Variants in VAX2 observed in about 807,000 individuals in gnomAD.
VAX2 encodes the protein ventral anterior homeobox 2.
In VAX2, 8 loss-of-function variants were observed where a neutral mutation model predicts 12.5. That is an observed-to-expected ratio of 0.64 (90% CI 0.37 to 1.15). The LOEUF is 1.15. Among genes scored for constraint, VAX2 ranks in the 50% most tolerant of loss-of-function variants. The pLI is 0.01. For synonymous variants in VAX2, 183 were observed against 187.6 expected (o/e 0.98, Z 0.20); for missense variants, 476 against 412.9 (o/e 1.15, Z -1.32).
chr2:70,917,581 T>C (rs577232763), intron 1 of VAX2, among the ~76,000 whole-genome samples: 1 of 152,312 alleles, frequency 6.6e-6, no homozygotes, highest in Admixed American at 6.5e-5. Context: ...ATTGCAGCTT[T>C]AATTTGCCTT....
intron 2 of VAX2, 27 bp from the exon 3 acceptor site, chr2:70,932,739 TC>T (rs1553414503): frequency 2.4e-6 from 3 of 1,244,378 alleles, no homozygotes; most frequent in Non-Finnish European, 3.1e-6. Context: ...CCCATCTCCC[TC>T]CTTGACACCC....
At chr2:70,929,809 A>AG (rs74555066) in intron 2 of VAX2, among the ~76,000 whole-genome samples, 29,906 of 152,228 alleles carry the variant, frequency 0.2, 3,109 homozygotes, top group East Asian at 0.36. Context: ...AAATCATTTG[A>AG]GAAACACGGC....
chr2:70,931,484 G>A (rs1553414303), intron 2 of VAX2, among the ~76,000 whole-genome samples: 1 of 152,184 alleles, frequency 6.6e-6, no homozygotes, highest in Non-Finnish European at 1.5e-5. Context: ...CCCTCCAAAG[G>A]CAGCGTGGCG....
At chr2:70,913,671 G>A (rs1310608041) in intron 1 of VAX2, among the ~76,000 whole-genome samples, 4 of 150,092 alleles carry the variant, frequency 2.7e-5, no homozygotes, top group African/African-American at 9.7e-5. Flanking sequence ...GCGAGACTCC[G>A]ACTCAAAATA....
At chr2:70,906,509 CTTTT>C in intron 1 of VAX2, among the ~76,000 whole-genome samples, 1 of 79,246 alleles carries the variant, frequency 1.3e-5, no homozygotes, top group Non-Finnish European at 2.7e-5. Context: ...CTTTTTTTTT[CTTTT>C]CTTTTCCTTT....
chr2:70,913,835 G>A (rs951239554), intron 1 of VAX2, among the ~76,000 whole-genome samples: 1 of 152,040 alleles, frequency 6.6e-6, no homozygotes, highest in Admixed American at 6.5e-5. Context: ...TGACAAATAA[G>A]GGCTTATTAA....
At chr2:70,910,723 G>C (rs1283320756) in intron 1 of VAX2, among the ~76,000 whole-genome samples, 2 of 150,672 alleles carry the variant, frequency 1.3e-5, no homozygotes, top group East Asian at 3.9e-4. Flanking sequence ...CACTTATATA[G>C]TAAGGAAATG....
At chr2:70,921,656 G>C (rs1385917603) in intron 2 of VAX2, among the ~76,000 whole-genome samples, 1 of 151,950 alleles carries the variant, frequency 6.6e-6, no homozygotes, top group Non-Finnish European at 1.5e-5. Context: ...TGGAAATAAC[G>C]ATTCTGGGGA....
At chr2:70,919,929 CGTTT>C in intron 1 of VAX2, among the ~76,000 whole-genome samples, 2 of 152,326 alleles carry the variant, frequency 1.3e-5, no homozygotes, top group Middle Eastern at 6.8e-3. Flanking sequence ...GTACTGCAGA[CGTTT>C]GTCAGCCTTT....
At chr2:70,903,436 G>T (rs1461292768) in intron 1 of VAX2, among the ~76,000 whole-genome samples, 1 of 152,168 alleles carries the variant, frequency 6.6e-6, no homozygotes, top group Non-Finnish European at 1.5e-5. Context: ...GGGGTGGGGG[G>T]CAGGTTTGTT....
chr2:70,923,572 T>C (rs1679507295), intron 2 of VAX2, among the ~76,000 whole-genome samples: 1 of 152,216 alleles, frequency 6.6e-6, no homozygotes, highest in Non-Finnish European at 1.5e-5. Context: ...TGCTTCTGAA[T>C]GGACTGGCCT....
chr2:70,917,046 G>A (rs1679320048), intron 1 of VAX2, among the ~76,000 whole-genome samples: 1 of 151,716 alleles, frequency 6.6e-6, no homozygotes, highest in African/African-American at 2.4e-5. Context: ...AGCTACTTAG[G>A]AGGCTGAGGC....
chr2:70,916,949 G>A (rs138457324), intron 1 of VAX2, among the ~76,000 whole-genome samples: 484 of 152,108 alleles, frequency 3.2e-3, no homozygotes, highest in Middle Eastern at 6.8e-3. Context: ...TCAGGAGTTC[G>A]AGACCAGCCT....
In VAX2 at chr2:70,921,106, G is replaced by T; in HGVS notation, c.256G>T (p.Gly86Trp). Reference protein sequence around the residue: ...CRRILVRDAKGTIREIVLPKG... With the variant: ...CRRILVRDAKWTIREIVLPKG... ...TTTCATGGCCTCTGCAGATGCCAAA[G>T]GGACAATTCGGGAAATTGTCCTGCC... The change falls in exon 2 of 3, where the codon GGG becomes TGG. Residue 86 changes from glycine to tryptophan, a missense_variant. Physicochemically the swap from Gly to Trp is radical, Grantham distance 184. Transcript: ENST00000234392. The T allele has an allele frequency of 6.3e-7, 1 of 1,598,100 alleles. No homozygotes were observed. Among genetic ancestry groups the T allele is most frequent in the South Asian group, 1.1e-5 (1 of 88,624 alleles).
At chr2:70,901,238 G>T (rs1024932604) in intron 1 of VAX2, among the ~76,000 whole-genome samples, 2 of 152,250 alleles carry the variant, frequency 1.3e-5, no homozygotes, top group Admixed American at 1.3e-4. Flanking sequence ...CGCGCTCCGC[G>T]GGGACAGGAC....
At chr2:70,930,247 C>A (rs77961043) in intron 2 of VAX2, among the ~76,000 whole-genome samples, 1 of 151,970 alleles carries the variant, frequency 6.6e-6, no homozygotes, top group Non-Finnish European at 1.5e-5. Context: ...TTCAAAACAC[C>A]AACTCACATC....
In VAX2 at chr2:70,910,979, C is replaced by G. The variant is rs1418442230; in HGVS notation, c.247+10111C>G. Among the ~76,000 whole-genome samples the G allele has an allele frequency of 2.0e-5, 3 of 151,800 alleles. No individual in the cohort carries two copies. The East Asian group carries it at 5.8e-4, about 29-fold the overall frequency. ...GCATTTAAAACATTATATATGCATA[C>G]ACAAACATATTAAAATGTTTGCTAC... On this transcript the variant is annotated intron_variant, in intron 1 of 2. Transcript: ENST00000234392.
At position 70,921,267 on chromosome 2, in the gene VAX2, G is replaced by T; in HGVS notation, c.417G>T (p.Leu139=). The change falls in exon 2 of 3, where the codon CTG becomes CTT. Residue 139 remains leucine, a synonymous_variant. Transcript: ENST00000234392. The part of the protein sequence containing the change: ...GRERTELARQ[L]NLSETQVKVW... ...AGCGCACTGAGCTGGCCCGCCAGCTGAACCTCTCCGAGACCCAGGTAAGAG... is the reference window on the plus strand; with the variant it reads ...AGCGCACTGAGCTGGCCCGCCAGCTTAACCTCTCCGAGACCCAGGTAAGAG... The T allele has an allele frequency of 6.2e-7, 1 of 1,610,670 alleles. No individual in the cohort carries two copies. The highest frequency in any genetic ancestry group is 1.1e-5 in the South Asian group (1 of 90,496).
intron 2 of VAX2, among the ~76,000 whole-genome samples, chr2:70,921,791 C>G (rs1332346726): frequency 6.6e-6 from 1 of 152,088 alleles, no homozygotes. Flanking sequence ...GAGGGGTCTG[C>G]ACACCCCCTT....
Sources: gnomAD v4.1 joint callset for allele counts (sites outside exome capture counted in the v4.1 genomes callset) on GRCh38, gnomAD v4.1.1 for gene constraint, MANE v1.5 for transcripts, NCBI Gene and HGNC (gene_info 2026-07-23, HGNC 2026-07-21) for gene names.